The following DCAF5 variants were observed in gnomAD, a reference collection of about 807,000 sequenced individuals.
The protein encoded by DCAF5 is DDB1 and CUL4 associated factor 5.
Under a neutral mutation model 80.7 loss-of-function variants are expected in DCAF5, and 9 were observed. The observed-to-expected ratio is 0.11, with a 90% CI of 0.07 to 0.19. The LOEUF (loss-of-function observed/expected upper bound fraction) is 0.19, where lower values mean the gene tolerates loss of function less well. Among genes scored for constraint, DCAF5 ranks in the 10% least tolerant of loss-of-function variants. The probability of loss-of-function intolerance (pLI) is 1.00; values close to 1 mark genes in which losing one functional copy is unlikely to be tolerated. For synonymous variants in DCAF5, 433 were observed against 461.9 expected, an observed-to-expected ratio of 0.94 and a Z score of 0.80; for missense variants, 842 against 1,205.7, an observed-to-expected ratio of 0.70 and a Z score of 4.47.
chr14:69,077,063 T>C (rs2038926672), intron 6 of DCAF5, among the ~76,000 whole-genome samples: 1 of 152,258 alleles, frequency 6.6e-6, no homozygotes, highest in African/African-American at 2.4e-5. Flanking sequence ...CATTGTCTAA[T>C]AGCAACGAGA....
At position 69,055,816 on chromosome 14, in the gene DCAF5, T is replaced by A. The variant is rs563233122; in HGVS notation, c.1075-205A>T. On this transcript the variant is annotated intron_variant, in intron 8 of 8. Transcript: ENST00000341516. This position sits in a 1 kb window ranked among gnomAD's most constrained non-coding sequence, Gnocchi z 5.6. ...AAACTGAGGTTTTTAGAATCAGATG[T>A]GGGGAAATGCATGGTCTAGAACACA... Among the ~76,000 whole-genome samples the A allele has an allele frequency of 7.9e-5, 12 of 152,320 alleles. No individual in the cohort carries two copies. Among genetic ancestry groups the A allele is most frequent in the African/African-American group, 2.9e-4 (12 of 41,564 alleles).
intron 6 of DCAF5, among the ~76,000 whole-genome samples, chr14:69,082,686 G>T (rs1260371530): frequency 6.6e-6 from 1 of 152,096 alleles, no homozygotes; most frequent in East Asian, 1.9e-4. Flanking sequence ...TGAGGACTGG[G>T]GAGTGAGGAG....
intron 6 of DCAF5, among the ~76,000 whole-genome samples, chr14:69,085,922 G>A (rs1460357034): frequency 6.6e-6 from 1 of 152,204 alleles, no homozygotes; most frequent in Admixed American, 6.5e-5. Context: ...ATGAGCAAGA[G>A]GGTACAGTCA....
rs116663279 is a variant in DCAF5, at chr14:69,062,963, G to A, written c.947-452C>T. Among the ~76,000 whole-genome samples the A allele has an allele frequency of 1.8e-3, 272 of 152,190 alleles. 1 individual carries two copies. The highest frequency in any genetic ancestry group is 6.3e-3 in the African/African-American group (261 of 41,540). ...TACAAAAAACATCTCTAATCCATTT[G>A]CCCTCAGTTTCTATGATGAAGACAG... On this transcript the variant is annotated intron_variant, in intron 7 of 8. Coordinates refer to ENST00000341516, the MANE Select transcript of DCAF5 (RefSeq NM_003861.3).
chr14:69,108,562 G>A (rs1331633728), intron 5 of DCAF5, among the ~76,000 whole-genome samples: 1 of 151,892 alleles, frequency 6.6e-6, no homozygotes, highest in Non-Finnish European at 1.5e-5. Flanking sequence ...GGGAGGGAGA[G>A]GCAGAAGAGG....
chr14:69,067,097 G>A (rs115923797), intron 7 of DCAF5, among the ~76,000 whole-genome samples: 177 of 152,118 alleles, frequency 1.2e-3, no homozygotes, highest in African/African-American at 4.0e-3. Flanking sequence ...ATTGTTCATT[G>A]TTTCCCCTGC....
intron 4 of DCAF5, among the ~76,000 whole-genome samples, chr14:69,117,653 G>T (rs1180386122): frequency 6.6e-6 from 1 of 152,146 alleles, no homozygotes; most frequent in Non-Finnish European, 1.5e-5. Flanking sequence ...TCACACATCA[G>T]AGAGTCAAAG....
In DCAF5 at chr14:69,097,392, AT is replaced by A. The variant is rs551105663; in HGVS notation, c.666-5506del. Among the ~76,000 whole-genome samples the A allele has an allele frequency of 1.4e-3, 216 of 152,182 alleles. 5 individuals are homozygous for A. In the South Asian group the frequency reaches 0.028, roughly 19 times the overall value. On this transcript the variant is annotated intron_variant, in intron 5 of 8. Coordinates refer to ENST00000341516, the MANE Select transcript of DCAF5 (RefSeq NM_003861.3). ...AATGCCTCAGAACAATAGCTTTAAAATTTTTTTATAGTAACCCTTCATAATT... is the reference window on the plus strand; with the variant it reads ...AATGCCTCAGAACAATAGCTTTAAAATTTTTTATAGTAACCCTTCATAATT...
intron 7 of DCAF5, among the ~76,000 whole-genome samples, chr14:69,063,669 A>G (rs892780305): frequency 1.3e-5 from 2 of 152,216 alleles, no homozygotes; most frequent in African/African-American, 4.8e-5. Context: ...TGGAGGGAAA[A>G]TGACTACAAC....
intron 7 of DCAF5, among the ~76,000 whole-genome samples, chr14:69,067,326 C>T (rs1405166364): frequency 2.8e-5 from 4 of 142,234 alleles, no homozygotes; most frequent in African/African-American, 1.0e-4. Context: ...TTCCTGCAGC[C>T]GATTTCGTAT....
intron 1 of DCAF5, among the ~76,000 whole-genome samples, chr14:69,135,981 A>G (rs2041180329): frequency 6.6e-6 from 1 of 152,196 alleles, no homozygotes; most frequent in Non-Finnish European, 1.5e-5. Context: ...ATTATTCGAT[A>G]TGGTTTTATA....
chr14:69,084,437 T>C (rs1465669416), intron 6 of DCAF5: 2 of 873,058 alleles, frequency 2.3e-6, no homozygotes, highest in Non-Finnish European at 3.9e-6. Context: ...TATTAAACTT[T>C]TGCCAACACG....
In DCAF5 at chr14:69,116,464, G is replaced by C; in HGVS notation, c.567C>G (p.Ala189=). 2 of 1,613,518 alleles carry C rather than the reference G, an allele frequency of 1.2e-6. No homozygotes were observed. The highest frequency in any genetic ancestry group is 1.7e-6 in the Non-Finnish European group (2 of 1,179,580). ...EPFCLANYPS[A]FHSVMFNPVE... ...CAGGGTTAAACATGACACTATGAAA[G>C]GCTGATGGATAGTTTGCCAGGCAGA... The change falls in exon 5 of 9, where the codon GCC becomes GCG. Residue 189 remains alanine, a synonymous_variant. Transcript: ENST00000341516.
Position 69,153,008 on chromosome 14 carries a change from C to T in DCAF5, c.-30G>A, listed in dbSNP as rs758243240. 6.6e-7 allele frequency: 1 copy of T among 1,518,934 alleles called. No individual in the cohort carries two copies. The highest frequency in any genetic ancestry group is 8.8e-7 in the Non-Finnish European group (1 of 1,138,460). The allele number at this position is 1,518,934 out of a possible 1,614,324, so 94.1% of individuals were successfully genotyped here. A position where few individuals can be genotyped will look rare whatever the true frequency, so the allele number is the denominator to read the frequency against. On this transcript the variant is annotated 5_prime_UTR_variant, in exon 1 of 9. Transcript: ENST00000341516. ...GAACCGCCGCCGCCGCCGCTCGCGCCGCCGCCCCTCCCTCGGCCTCACGCG... is the reference window on the plus strand; with the variant it reads ...GAACCGCCGCCGCCGCCGCTCGCGCTGCCGCCCCTCCCTCGGCCTCACGCG...
intron 1 of DCAF5, among the ~76,000 whole-genome samples, chr14:69,135,484 A>C (rs569992968): frequency 2.6e-5 from 4 of 152,218 alleles, no homozygotes; most frequent in Non-Finnish European, 5.9e-5. Flanking sequence ...TTTGTGAAAA[A>C]GTATCTATGA....
chr14:69,063,794 T>C (rs2038326883), intron 7 of DCAF5, among the ~76,000 whole-genome samples: 2 of 152,198 alleles, frequency 1.3e-5, no homozygotes, highest in Non-Finnish European at 2.9e-5. Context: ...CACGTACATA[T>C]CTTTTTTATG....
At chr14:69,151,982 G>A (rs1223851450) in intron 1 of DCAF5, among the ~76,000 whole-genome samples, 1 of 152,226 alleles carries the variant, frequency 6.6e-6, no homozygotes, top group East Asian at 1.9e-4. Context: ...GCGGGAAACG[G>A]GGTGCGGGGC....
At chr14:69,142,239 A>G (rs576435338) in intron 1 of DCAF5, among the ~76,000 whole-genome samples, 2 of 152,344 alleles carry the variant, frequency 1.3e-5, no homozygotes, top group East Asian at 3.9e-4. Context: ...GGTCAAAGCT[A>G]CAGTGAGCCG....
At chr14:69,139,219 GTTCACAC>G (rs1322767509) in intron 1 of DCAF5, among the ~76,000 whole-genome samples, 1 of 151,860 alleles carries the variant, frequency 6.6e-6, no homozygotes, top group African/African-American at 2.4e-5. Flanking sequence ...AGGTGCAGTG[GTTCACAC>G]TTGTAATCCC....
Sources: gnomAD v4.1 joint callset for allele counts (sites outside exome capture counted in the v4.1 genomes callset) on GRCh38, gnomAD v4.1.1 for gene constraint, Gnocchi (gnomAD v3.1) non-coding constraint, MANE v1.5 for transcripts, NCBI Gene and HGNC (gene_info 2026-07-23, HGNC 2026-07-21) for gene names.